The following SCHIP1 variants were observed in gnomAD, a reference collection of about 807,000 sequenced individuals.
SCHIP1 encodes schwannomin interacting protein 1.
SCHIP1 carries 8 observed loss-of-function variants against 29.7 expected under a neutral mutation model. The ratio of observed to expected loss-of-function variants is 0.27; its 90% CI spans 0.16 to 0.49. The LOEUF is 0.49. Among genes scored for constraint, SCHIP1 ranks in the 20% least tolerant of loss-of-function variants. The pLI is 0.99. For missense variants in SCHIP1, 193 were observed against 294.6 expected, an observed-to-expected ratio of 0.66 and a Z score of 2.52; for synonymous variants, 76 against 94.9, an observed-to-expected ratio of 0.80 and a Z score of 1.16.
the SCHIP1 span, among the ~76,000 whole-genome samples, chr3:159,378,485 T>G: frequency 6.6e-6 from 1 of 152,358 alleles, no homozygotes; most frequent in Non-Finnish European, 1.5e-5. Context: ...TGGGATCTGT[T>G]AAATCTCATC....
the SCHIP1 span, among the ~76,000 whole-genome samples, chr3:159,464,708 C>A: frequency 3.9e-5 from 6 of 152,070 alleles, no homozygotes; most frequent in African/African-American, 1.4e-4. Flanking sequence ...GTGCTATTAC[C>A]CACGGAGCTT....
At chr3:159,597,458 A>C in the SCHIP1 span, among the ~76,000 whole-genome samples, 1 of 152,050 alleles carries the variant, frequency 6.6e-6, no homozygotes, top group Non-Finnish European at 1.5e-5. Flanking sequence ...CATCCTGTCC[A>C]CTATCTTTCC....
At chr3:159,360,376 A>G in the SCHIP1 span, among the ~76,000 whole-genome samples, 2 of 152,240 alleles carry the variant, frequency 1.3e-5, no homozygotes, top group African/African-American at 4.8e-5. Context: ...CACTGCAAAC[A>G]GGAAATAGAA....
At chr3:159,556,683 C>T in the SCHIP1 span, among the ~76,000 whole-genome samples, 3 of 148,514 alleles carry the variant, frequency 2.0e-5, no homozygotes, top group Non-Finnish European at 3.0e-5. Flanking sequence ...AAACCAAACA[C>T]CGCTTGTTCT....
the SCHIP1 span, chr3:159,273,777 A>G: frequency 6.2e-7 from 1 of 1,608,566 alleles, no homozygotes; most frequent in Non-Finnish European, 8.5e-7. Flanking sequence ...ATTTGAATAA[A>G]CAACTCTTCC....
At chr3:159,336,788 C>T in the SCHIP1 span, among the ~76,000 whole-genome samples, 1 of 152,258 alleles carries the variant, frequency 6.6e-6, no homozygotes, top group Non-Finnish European at 1.5e-5. Context: ...ATGCCTCCAG[C>T]TTTGTTCTTT....
At chr3:159,287,338 A>G in the SCHIP1 span, among the ~76,000 whole-genome samples, 1 of 151,692 alleles carries the variant, frequency 6.6e-6, no homozygotes, top group East Asian at 1.9e-4. Flanking sequence ...GACAGACAAA[A>G]AATCTTTATA....
chr3:159,695,874 C>T, the SCHIP1 span, among the ~76,000 whole-genome samples: 2 of 152,114 alleles, frequency 1.3e-5, no homozygotes, highest in African/African-American at 2.4e-5. Flanking sequence ...TGCTCACTAA[C>T]CTTCCTCATC....
chr3:159,510,443 A>C, the SCHIP1 span, among the ~76,000 whole-genome samples: 13 of 152,266 alleles, frequency 8.5e-5, no homozygotes, highest in Middle Eastern at 3.4e-3. Flanking sequence ...GAAGTTTGAT[A>C]GTCTGAAGCC....
At chr3:159,501,575 T>C in the SCHIP1 span, among the ~76,000 whole-genome samples, 10 of 152,340 alleles carry the variant, frequency 6.6e-5, no homozygotes, top group Non-Finnish European at 1.5e-4. Flanking sequence ...TCATGGTATA[T>C]ATAAATCCCA....
chr3:159,556,057 A>C, the SCHIP1 span, among the ~76,000 whole-genome samples: 1 of 152,314 alleles, frequency 6.6e-6, no homozygotes, highest in East Asian at 1.9e-4. Flanking sequence ...CCCAGAATTT[A>C]AACAAATTTA....
At chr3:159,410,632 TG>T in the SCHIP1 span, among the ~76,000 whole-genome samples, 1 of 152,078 alleles carries the variant, frequency 6.6e-6, no homozygotes, top group Admixed American at 6.6e-5. Context: ...ATACAAATGC[TG>T]GGGAGGATAT....
At chr3:159,619,620 T>G in the SCHIP1 span, among the ~76,000 whole-genome samples, 1 of 152,248 alleles carries the variant, frequency 6.6e-6, no homozygotes. Flanking sequence ...AGGCTGCAGA[T>G]TGTTTCTATT....
the SCHIP1 span, among the ~76,000 whole-genome samples, chr3:159,392,926 C>A: frequency 6.6e-6 from 1 of 152,308 alleles, no homozygotes; most frequent in African/African-American, 2.4e-5. Flanking sequence ...TACAGTCCCA[C>A]CAACAGTGTA....
the SCHIP1 span, among the ~76,000 whole-genome samples, chr3:159,292,323 T>C: frequency 6.6e-6 from 1 of 152,302 alleles, no homozygotes; most frequent in East Asian, 1.9e-4. Flanking sequence ...CATTGCAACA[T>C]TCTATTTTGT....
At chr3:159,798,052 A>G in the SCHIP1 span, among the ~76,000 whole-genome samples, 1 of 152,226 alleles carries the variant, frequency 6.6e-6, no homozygotes, top group Non-Finnish European at 1.5e-5. Context: ...TGAACAACTT[A>G]GTTTCAACTT....
At chr3:159,415,835 A>G in the SCHIP1 span, among the ~76,000 whole-genome samples, 1 of 152,220 alleles carries the variant, frequency 6.6e-6, no homozygotes, top group African/African-American at 2.4e-5. Flanking sequence ...GGCACATAGT[A>G]AGTACTCAAT....
chr3:159,283,964 A>G, the SCHIP1 span, among the ~76,000 whole-genome samples: 2 of 151,978 alleles, frequency 1.3e-5, no homozygotes, highest in Admixed American at 6.6e-5. Flanking sequence ...TTTCTATTTT[A>G]TGGTATGTTG....
chr3:159,300,437 G>A, the SCHIP1 span, among the ~76,000 whole-genome samples: 1 of 152,044 alleles, frequency 6.6e-6, no homozygotes, highest in Non-Finnish European at 1.5e-5. Context: ...GAGAATGCCT[G>A]CTACGTTCAA....
Sources: gnomAD v4.1 joint callset for allele counts (sites outside exome capture counted in the v4.1 genomes callset) on GRCh38, gnomAD v4.1.1 for gene constraint, MANE v1.5 for transcripts, NCBI Gene and HGNC (gene_info 2026-07-23, HGNC 2026-07-21) for gene names.